Variants in CORIN observed in about 807,000 individuals in gnomAD.
CORIN encodes the protein atrial natriuretic peptide-converting enzyme.
Under a neutral mutation model 125.3 loss-of-function variants are expected in CORIN, and 117 were observed. The ratio of observed to expected loss-of-function variants is 0.93; its 90% CI spans 0.80 to 1.09. The LOEUF (loss-of-function observed/expected upper bound fraction) is 1.09. Among genes scored for constraint, CORIN ranks in the 50% least tolerant of loss-of-function variants. CORIN has a pLI of 0.00. For missense variants in CORIN, 1,253 were observed against 1,306.7 expected (o/e 0.96, Z 0.63); for synonymous variants, 450 against 466.4 (o/e 0.96, Z 0.45).
chr4:47,613,302 A>T (rs879819209), intron 19 of CORIN, among the ~76,000 whole-genome samples: 5 of 152,108 alleles, frequency 3.3e-5, no homozygotes, highest in Non-Finnish European at 7.4e-5. Flanking sequence ...AAAATGCAAA[A>T]ATTAGCCGAG....
intron 1 of CORIN, among the ~76,000 whole-genome samples, chr4:47,830,943 C>A (rs1485199979): frequency 6.6e-6 from 1 of 152,168 alleles, no homozygotes; most frequent in Non-Finnish European, 1.5e-5. Context: ...GTGCTGTCAA[C>A]CTAAAGGTTA....
At chr4:47,722,791 CT>C (rs1727415762) in intron 5 of CORIN, among the ~76,000 whole-genome samples, 1 of 152,204 alleles carries the variant, frequency 6.6e-6, no homozygotes, top group Non-Finnish European at 1.5e-5. Flanking sequence ...TTACCTCCCC[CT>C]GTGATTGTAA....
chr4:47,697,718 AAAAAT>A (rs1336051880), intron 5 of CORIN, among the ~76,000 whole-genome samples: 1 of 152,086 alleles, frequency 6.6e-6, no homozygotes, highest in Non-Finnish European at 1.5e-5. Flanking sequence ...CTCTGTCTCA[AAAAAT>A]AAAATAAAAT....
chr4:47,648,317 T>C (rs899611260), intron 13 of CORIN, among the ~76,000 whole-genome samples: 1 of 152,096 alleles, frequency 6.6e-6, no homozygotes, highest in African/African-American at 2.4e-5. Context: ...CAACAACCAA[T>C]AATTGAGGAT....
At chr4:47,814,708 C>T (rs752843995) in intron 1 of CORIN, among the ~76,000 whole-genome samples, 9 of 152,092 alleles carry the variant, frequency 5.9e-5, no homozygotes, top group African/African-American at 1.2e-4. Flanking sequence ...ATAAAGAACA[C>T]GCATCTGGTT....
At chr4:47,656,890 A>C (rs1724009634) in intron 12 of CORIN, among the ~76,000 whole-genome samples, 1 of 152,170 alleles carries the variant, frequency 6.6e-6, no homozygotes, top group Non-Finnish European at 1.5e-5. Flanking sequence ...AAACTTAAAA[A>C]CTCCGCCAAA....
Position 47,668,023 on chromosome 4 carries a change from A to G in CORIN, c.1358-2760T>C, listed in dbSNP as rs1359551404. On this transcript the variant is annotated intron_variant, in intron 10 of 21. Coordinates refer to ENST00000273857, the MANE Select transcript of CORIN (RefSeq NM_006587.4). ...CACAGATCTCTCTCGCTCTCTTTTC[A>G]CAGTGTGAGAATACAGTGAAAAGTC... 2.6e-5 allele frequency among the ~76,000 whole-genome samples: 4 copies of G among 152,246 alleles called. No homozygotes were observed. In the South Asian group the frequency reaches 6.2e-4, roughly 24 times the overall value.
At chr4:47,613,524 C>T (rs1577736996) in intron 19 of CORIN, among the ~76,000 whole-genome samples, 1 of 152,064 alleles carries the variant, frequency 6.6e-6, no homozygotes, top group Non-Finnish European at 1.5e-5. Flanking sequence ...GTAATTGCAG[C>T]ATTATTCACA....
intron 13 of CORIN, chr4:47,652,667 T>C (rs1244078828): frequency 6.6e-6 from 1 of 152,238 alleles, no homozygotes; most frequent in Non-Finnish European, 1.5e-5. Flanking sequence ...TTGGCATTTA[T>C]GGCTTTTCCA....
At chr4:47,674,208 T>C (rs920944469) in intron 10 of CORIN, among the ~76,000 whole-genome samples, 185 bp downstream of exon 10, 1 of 152,212 alleles carries the variant, frequency 6.6e-6, no homozygotes, top group Non-Finnish European at 1.5e-5. Flanking sequence ...TTGTTTCTGA[T>C]TGAAGTTAAT....
At chr4:47,664,754 T>C (rs1724399689) in intron 11 of CORIN, among the ~76,000 whole-genome samples, 1 of 152,190 alleles carries the variant, frequency 6.6e-6, no homozygotes, top group Non-Finnish European at 1.5e-5. Flanking sequence ...GGCTTTTTAA[T>C]ACAACAGAAT....
intron 3 of CORIN, among the ~76,000 whole-genome samples, chr4:47,770,059 C>T (rs1156960774): frequency 1.3e-5 from 2 of 151,984 alleles, no homozygotes; most frequent in African/African-American, 2.4e-5. Context: ...ACAGTCAGCA[C>T]AGCAAAGAAA....
chr4:47,659,641 T>C (rs1724155936), intron 12 of CORIN, among the ~76,000 whole-genome samples: 1 of 152,134 alleles, frequency 6.6e-6, no homozygotes, highest in African/African-American at 2.4e-5. Flanking sequence ...AGCTCACTTG[T>C]CATCAAGGAG....
Position 47,610,117 on chromosome 4 carries a change from C to T in CORIN, c.2541-6449G>A, listed in dbSNP as rs564480659. On this transcript the variant is annotated intron_variant, in intron 19 of 21. Transcript: ENST00000273857. ...TGACTTATATTCCTTTGGGTATATA[C>T]CCAGTAATGGGATTGCTGGGTCAAA... Among the ~76,000 whole-genome samples the T allele has an allele frequency of 2.6e-5, 4 of 152,268 alleles. No individual in the cohort carries two copies. In the East Asian group the frequency reaches 7.7e-4, roughly 29 times the overall value.
chr4:47,744,900 G>C (rs985816813), intron 4 of CORIN, among the ~76,000 whole-genome samples: 14 of 151,988 alleles, frequency 9.2e-5, no homozygotes, highest in African/African-American at 3.1e-4. Flanking sequence ...TATCAAAAGG[G>C]GAAAATTAAC....
chr4:47,820,970 C>G (rs1379296926), intron 1 of CORIN, among the ~76,000 whole-genome samples: 1 of 152,148 alleles, frequency 6.6e-6, no homozygotes, highest in African/African-American at 2.4e-5. Flanking sequence ...GGTGTGGTGG[C>G]TCACGCCTGT....
chr4:47,720,146 G>A (rs746024321), intron 5 of CORIN, among the ~76,000 whole-genome samples: 7 of 152,176 alleles, frequency 4.6e-5, no homozygotes, highest in Admixed American at 1.3e-4. Flanking sequence ...ATTCATGCCT[G>A]CATCTGTGTT....
At chr4:47,624,494 G>A (rs1037046478) in intron 17 of CORIN, among the ~76,000 whole-genome samples, 3 of 152,118 alleles carry the variant, frequency 2.0e-5, no homozygotes, top group African/African-American at 4.8e-5. Context: ...GACTGGAAAG[G>A]AGTCTTACCA....
At position 47,623,733 on chromosome 4, in the gene CORIN, C is replaced by T. The variant is rs143333327; in HGVS notation, c.2378G>A (p.Arg793His). 7.1e-5 allele frequency: 115 copies of T among 1,614,182 alleles called. No individual in the cohort carries two copies. The highest frequency in any genetic ancestry group is 1.6e-4 in the East Asian group (7 of 44,882). The change falls in exon 19 of 22, where the codon CGC (arginine) becomes CAC (histidine). Residue 793 changes from arginine (R) to histidine (H), a missense_variant. Transcript: ENST00000273857. ...CCTTTTGTTCATTCGGGCAGCAGGGCGGCGCCCACAGTCTACCAAGGAGCA... is the reference window on the plus strand; with the variant it reads ...CCTTTTGTTCATTCGGGCAGCAGGGTGGCGCCCACAGTCTACCAAGGAGCA... ...LLCTKQDCGR[R>H]PAARMNKRIL... is the part of the protein sequence containing the mutation.
Sources: allele counts gnomAD v4.1 joint callset (sites outside exome capture counted in the v4.1 genomes callset), GRCh38; gene constraint gnomAD v4.1.1; transcripts MANE v1.5; gene names NCBI Gene and HGNC (gene_info 2026-07-23, HGNC 2026-07-21).